Variants in DEAF1 observed in about 807,000 individuals in gnomAD.
DEAF1 encodes the protein deformed epidermal autoregulatory factor 1 homolog.
A neutral mutation model predicts 58.9 loss-of-function variants in DEAF1; 53 were observed. The observed-to-expected ratio is 0.90, with a 90% CI of 0.72 to 1.13. DEAF1 has a LOEUF of 1.13. Ranked by LOEUF, DEAF1 falls within the 50% of genes most tolerant of loss-of-function variation. DEAF1 has a pLI of 0.00. For synonymous variants in DEAF1, 385 were observed against 340.4 expected, an observed-to-expected ratio of 1.13 and a Z score of -1.44; for missense variants, 685 against 791.4, an observed-to-expected ratio of 0.87 and a Z score of 1.61.
At chr11:695,912 C>T, upstream of DEAF1, 1 of 1,172,692 alleles carries the variant, frequency 8.5e-7, no homozygotes, top group Non-Finnish European at 1.1e-6. Context: ...CCTGTGGTGA[C>T]AATCCGGTTT....
At position 682,735 on chromosome 11, in the gene DEAF1, T is replaced by C. The variant is rs142712972; in HGVS notation, c.871-1646A>G. The stretch of plus-strand genomic sequence containing the variant: ...TATGGGCAATGTGGGTTGATGGAAA[T>C]TGGGGCTCCGTATGCTTGGCCTCCC... On this transcript the variant is annotated intron_variant, in intron 6 of 11. Coordinates refer to ENST00000382409, the MANE Select transcript of DEAF1 (RefSeq NM_021008.4). Among the ~76,000 whole-genome samples, 10 of 152,260 alleles carry C rather than the reference T, an allele frequency of 6.6e-5. No homozygotes were observed. The East Asian group carries it at 7.7e-4, about 12-fold the overall frequency.
chr11:644,380 TC>T lies in DEAF1; in HGVS notation c.*169del. The T allele has an allele frequency of 1.5e-6, 1 of 668,362 alleles. No homozygotes were observed. The highest frequency in any genetic ancestry group is 2.7e-6 in the Non-Finnish European group (1 of 369,986). The allele number at this position is 668,362 out of a possible 1,614,324, so 41.4% of individuals were successfully genotyped here. Reference sequence around the variant, plus strand: ...GGGGCCCGGGCAGGGGGAGTGCGCTTCCCAGGGCACCATTCGCTTAAAGTGT... The same window carrying T: ...GGGGCCCGGGCAGGGGGAGTGCGCTTCCAGGGCACCATTCGCTTAAAGTGT... On this transcript the variant is annotated 3_prime_UTR_variant, in exon 12 of 12. Transcript: ENST00000382409. The surrounding 1 kb of genome is among the most constrained non-coding windows in gnomAD (Gnocchi z 4.3).
In DEAF1 at chr11:688,152, C is replaced by A; in HGVS notation, c.518-95G>T. On this transcript the variant is annotated intron_variant, in intron 3 of 11. Coordinates refer to ENST00000382409, the MANE Select transcript of DEAF1 (RefSeq NM_021008.4). The surrounding 1 kb of genome is among the most constrained non-coding windows in gnomAD (Gnocchi z 4.3). ...CACCACCTCCCCGGCAGCGCCACCTCCTTCAACGGCGGAAAAACTTCTTGG... is the reference window on the plus strand; with the variant it reads ...CACCACCTCCCCGGCAGCGCCACCTACTTCAACGGCGGAAAAACTTCTTGG... 1 of 1,570,940 alleles carries A rather than the reference C, an allele frequency of 6.4e-7. No individual in the cohort carries two copies. The highest frequency in any genetic ancestry group is 2.3e-5 in the East Asian group (1 of 44,096).
Position 669,949 on chromosome 11 carries a change from A to G in DEAF1, c.1503+4587T>C, listed in dbSNP as rs1169805114. On this transcript the variant is annotated intron_variant, in intron 10 of 11. Coordinates refer to ENST00000382409, the MANE Select transcript of DEAF1 (RefSeq NM_021008.4). ...TCTCAAAAAAAAAAAAAAAAAAAAA[A>G]AAAGAAACCCCATCTTTACAAAAAA... is the stretch of plus-strand genomic sequence containing the variant. 2.8e-5 allele frequency among the ~76,000 whole-genome samples: 4 copies of G among 143,766 alleles called. No homozygotes were observed. In the East Asian group the frequency reaches 6.0e-4, roughly 22 times the overall value. The allele number at this position is 143,766 out of a possible 152,430, so 94.3% of individuals were successfully genotyped here.
intron 2 of DEAF1, among the ~76,000 whole-genome samples, chr11:689,202 CTTTTTT>C (rs34046317): frequency 8.5e-5 from 8 of 94,178 alleles, no homozygotes; most frequent in East Asian, 3.3e-4. Context: ...TTTTCTTTTT[CTTTTTT>C]TTTTTTTTTT....
chr11:645,457 CAGGTGCACG>C (rs1388984326), intron 11 of DEAF1, among the ~76,000 whole-genome samples: 1 of 152,062 alleles, frequency 6.6e-6, no homozygotes, highest in African/African-American at 2.4e-5. Flanking sequence ...GCTGGGATTA[CAGGTGCACG>C]CCACCACACC....
intron 11 of DEAF1, among the ~76,000 whole-genome samples, chr11:648,589 G>A (rs988028421): frequency 2.0e-5 from 3 of 152,130 alleles, no homozygotes; most frequent in African/African-American, 4.8e-5. Context: ...TTAAAAGAAC[G>A]GGATGTGTTC....
At chr11:689,312 T>C (rs1057330320) in intron 2 of DEAF1, among the ~76,000 whole-genome samples, 1 of 151,210 alleles carries the variant, frequency 6.6e-6, no homozygotes, top group Non-Finnish European at 1.5e-5. Context: ...TTCACGCTAT[T>C]GTCCTGCCTC....
At chr11:654,211 C>T (rs1858938656) in intron 10 of DEAF1, among the ~76,000 whole-genome samples, 160 bp from the exon 11 acceptor site, 1 of 147,772 alleles carries the variant, frequency 6.8e-6, no homozygotes. Context: ...CTCTGTCGCC[C>T]AGGCTGGAGT....
At chr11:675,162 GCAA>G (rs35881834) in intron 9 of DEAF1, among the ~76,000 whole-genome samples, 75,671 of 151,448 alleles carry the variant, frequency 0.5, 19,832 homozygotes, top group East Asian at 0.73. Context: ...TCCAGCCTGG[GCAA>G]CAGAGTGAGA....
rs749346352 is a variant in DEAF1 at position 691,607 on chromosome 11, G to C, written c.290-9C>G. 1 of 1,612,514 alleles carries C rather than the reference G, an allele frequency of 6.2e-7. No homozygotes were observed. ...TGTCACTGTGGTCACCTCTGCAACA[G>C]AAGGAGCCTCATTTAACAAGCAACA... On this transcript the variant is annotated splice_polypyrimidine_tract_variant and intron_variant, in intron 1 of 11. Transcript: ENST00000382409.
chr11:705,733 G>A (rs1861684284), intron 1 of DEAF1, among the ~76,000 whole-genome samples: 1 of 152,190 alleles, frequency 6.6e-6, no homozygotes, highest in Non-Finnish European at 1.5e-5. Flanking sequence ...GGGCACCTGA[G>A]GGGTGCACCT....
At chr11:698,121 C>A (rs1448896341), upstream of DEAF1, 1 of 152,414 alleles carries the variant, frequency 6.6e-6, no homozygotes, top group Non-Finnish European at 1.5e-5. Context: ...ATTGAGGTAT[C>A]TACACATGGA....
intron 10 of DEAF1, chr11:665,989 C>A (rs1240472148): frequency 6.7e-6 from 1 of 149,806 alleles, no homozygotes; most frequent in Admixed American, 6.8e-5. Context: ...GAAGACTCAG[C>A]AGAAATGGAC....
chr11:700,539 A>G, intron 1 of DEAF1: 1 of 1,226,410 alleles, frequency 8.2e-7, no homozygotes, highest in Non-Finnish European at 1.2e-6. Context: ...AAAAAAAAAA[A>G]AGGAAAAGGC....
At chr11:691,936 G>A (rs1271703818) in intron 1 of DEAF1, among the ~76,000 whole-genome samples, 1 of 152,140 alleles carries the variant, frequency 6.6e-6, no homozygotes, top group Non-Finnish European at 1.5e-5. Context: ...ACAGCTGTGG[G>A]TTCTGCTGGT....
At chr11:679,160 A>G (rs1860221298) in intron 8 of DEAF1, among the ~76,000 whole-genome samples, 1 of 151,972 alleles carries the variant, frequency 6.6e-6, no homozygotes. Context: ...AAAATACCAA[A>G]AAAAAATTAG....
intron 1 of DEAF1, among the ~76,000 whole-genome samples, chr11:705,878 A>G (rs1006200806): frequency 1.3e-5 from 2 of 152,166 alleles, no homozygotes; most frequent in African/African-American, 4.8e-5. Flanking sequence ...TGCCCAAGGA[A>G]GAGCTCGAGG....
At chr11:687,798 G>A in intron 4 of DEAF1, 113 bp downstream of exon 4, 1 of 1,458,638 alleles carries the variant, frequency 6.9e-7, no homozygotes, top group Non-Finnish European at 9.6e-7. Context: ...GCCCAGCCCT[G>A]TCTTCTTAAC....
Sources: allele counts gnomAD v4.1 joint callset (sites outside exome capture counted in the v4.1 genomes callset), GRCh38; gene constraint gnomAD v4.1.1; non-coding constraint Gnocchi (gnomAD v3.1); transcripts MANE v1.5; gene names NCBI Gene and HGNC (gene_info 2026-07-23, HGNC 2026-07-21).